MICAL3: variants seen among roughly 807,000 people sequenced by gnomAD.
MICAL3 encodes [F-actin]-monooxygenase MICAL3.
In MICAL3, 62 loss-of-function variants were observed where a neutral mutation model predicts 207.4. That is an observed-to-expected ratio of 0.30 (90% CI 0.24 to 0.37). The LOEUF (loss-of-function observed/expected upper bound fraction) is 0.37. MICAL3 is among the 10% of genes least tolerant of loss of function. MICAL3 has a pLI of 1.00. For synonymous variants in MICAL3, 1,077 were observed against 1,069.3 expected (o/e 1.01, Z -0.14); for missense variants, 2,368 against 2,635.6 (o/e 0.90, Z 2.22).
intron 9 of MICAL3, among the ~76,000 whole-genome samples, chr22:17,895,973 T>C (rs894958104): frequency 5.9e-5 from 9 of 152,168 alleles, no homozygotes; most frequent in African/African-American, 2.2e-4. Flanking sequence ...GTTTGGTGTT[T>C]TCCTATGAAT....
At chr22:17,979,373 C>T (rs61393399) in intron 1 of MICAL3, among the ~76,000 whole-genome samples, 7,609 of 151,994 alleles carry the variant, frequency 0.05, 364 homozygotes, top group African/African-American at 0.12. Context: ...GGCGAAACCC[C>T]GTCTCTACTA....
chr22:17,989,616 T>C (rs1187939804), intron 1 of MICAL3, among the ~76,000 whole-genome samples: 2 of 152,040 alleles, frequency 1.3e-5, no homozygotes, highest in African/African-American at 2.4e-5. Flanking sequence ...AAGACAATCC[T>C]ACCATGGCCT....
chr22:17,814,870 C>T (rs1013043947), intron 27 of MICAL3: 3 of 148,248 alleles, frequency 2.0e-5, no homozygotes, highest in African/African-American at 7.3e-5. Context: ...GCTCGACTGT[C>T]CCCTAGGTCA....
In MICAL3 at chr22:17,832,053, G is replaced by T; in HGVS notation, c.2856C>A (p.Arg952=). The part of the protein sequence containing the change: ...EEGEEEEEEP[R]LPPSDLGGVP... ...CACCACCCAGGTCAGATGGGGGCAG[G>T]CGAGGCTCCTCCTCCTCCTCCTCTC... is the stretch of plus-strand genomic sequence containing the variant. Residue 952 remains arginine (R), a synonymous_variant, in exon 21 of 32, where the codon CGC becomes CGA. Coordinates refer to ENST00000441493, the MANE Select transcript of MICAL3 (RefSeq NM_015241.3). The T allele has an allele frequency of 6.2e-7, 1 of 1,600,470 alleles. No homozygotes were observed.
chr22:18,011,160 T>G (rs1021776665), intron 1 of MICAL3, among the ~76,000 whole-genome samples: 1 of 152,186 alleles, frequency 6.6e-6, no homozygotes, highest in Non-Finnish European at 1.5e-5. Context: ...TCATTGATTT[T>G]CATAATCAAT....
chr22:17,835,455 G>A (rs1456805216), intron 20 of MICAL3, among the ~76,000 whole-genome samples: 2 of 152,226 alleles, frequency 1.3e-5, no homozygotes, highest in African/African-American at 4.8e-5. Context: ...GCAGTCTCTG[G>A]GTTGGCCCAG....
chr22:17,837,687 T>C (rs1286442655), intron 20 of MICAL3, among the ~76,000 whole-genome samples: 1 of 152,208 alleles, frequency 6.6e-6, no homozygotes, highest in East Asian at 1.9e-4. Flanking sequence ...TGATTAGGCC[T>C]GGGCCAAGGG....
Position 17,789,084 on chromosome 22 carries a change from C to G in MICAL3, c.*1648G>C, listed in dbSNP as rs1315954265. ...GTACACAGCCAGGCTGGTGCGGAAC[C>G]GTGAGAAAGGAACAGTTTGGCTATA... is the stretch of plus-strand genomic sequence containing the variant. On this transcript the variant is annotated 3_prime_UTR_variant, in exon 32 of 32. Transcript: ENST00000441493. The G allele has an allele frequency of 6.6e-6, 1 of 152,326 alleles. No individual in the cohort carries two copies. Among genetic ancestry groups the G allele is most frequent in the African/African-American group, 2.4e-5 (1 of 41,478 alleles). 9.4% of individuals were successfully genotyped at this position (152,326 alleles called of 1,614,324 possible). A position where few individuals can be genotyped will look rare whatever the true frequency, so the allele number is the denominator to read the frequency against.
At chr22:17,897,073 C>T (rs1046873047) in intron 7 of MICAL3, 92 bp from the exon 8 acceptor site, 1 of 1,408,660 alleles carries the variant, frequency 7.1e-7, no homozygotes, top group East Asian at 2.3e-5. Context: ...GCTTCTTCTT[C>T]CCCCTAAAGT....
At chr22:17,865,100 T>C in intron 18 of MICAL3, 114 bp from the exon 19 acceptor site, 1 of 625,762 alleles carries the variant, frequency 1.6e-6, no homozygotes, top group Non-Finnish European at 2.1e-6. Flanking sequence ...TTTATTTATT[T>C]ATTTATTTAT....
chr22:17,953,879 C>G (rs1305516244), intron 1 of MICAL3, among the ~76,000 whole-genome samples: 1 of 131,676 alleles, frequency 7.6e-6, no homozygotes, highest in Non-Finnish European at 1.5e-5. Context: ...TGCAGTGAGC[C>G]GAGATCACAC....
At chr22:17,926,367 T>G (rs1318908148) in intron 1 of MICAL3, among the ~76,000 whole-genome samples, 4 of 152,146 alleles carry the variant, frequency 2.6e-5, no homozygotes, top group Non-Finnish European at 5.9e-5. Flanking sequence ...GAACAAAGGA[T>G]TATATAGCTG....
intron 29 of MICAL3, among the ~76,000 whole-genome samples, chr22:17,800,367 G>C (rs2061925265): frequency 6.6e-6 from 1 of 152,176 alleles, no homozygotes; most frequent in South Asian, 2.1e-4. Context: ...GGCTGGGCCG[G>C]CCTGTTCAGG....
intron 1 of MICAL3, among the ~76,000 whole-genome samples, chr22:17,914,651 G>A (rs1411161391): frequency 6.6e-6 from 1 of 152,126 alleles, no homozygotes; most frequent in African/African-American, 2.4e-5. Flanking sequence ...ATTTAGCAAG[G>A]ACACACAATA....
rs1931390266 is a variant in MICAL3 at position 17,902,290 on chromosome 22, C to A, written c.590-311G>T. ...ACACATGCCTGTAATCCCAGCTACT[C>A]TGGAGACCTACGCAGGAGAATTGCT... On this transcript the variant is annotated intron_variant, in intron 4 of 31. Coordinates refer to ENST00000441493, the MANE Select transcript of MICAL3 (RefSeq NM_015241.3). The surrounding 1 kb of genome is among the most constrained non-coding windows in gnomAD (Gnocchi z 4.5). Among the ~76,000 whole-genome samples the A allele has an allele frequency of 6.6e-6, 1 of 152,218 alleles. No homozygotes were observed. The highest frequency in any genetic ancestry group is 1.5e-5 in the Non-Finnish European group (1 of 68,042).
At chr22:17,992,374 C>A (rs931032078) in intron 1 of MICAL3, among the ~76,000 whole-genome samples, 2 of 152,160 alleles carry the variant, frequency 1.3e-5, no homozygotes, top group Non-Finnish European at 2.9e-5. Flanking sequence ...AAAACCAAAT[C>A]AAGAATATTT....
At chr22:17,846,939 T>G (rs1447269801) in intron 19 of MICAL3, among the ~76,000 whole-genome samples, 2 of 151,998 alleles carry the variant, frequency 1.3e-5, no homozygotes, top group Admixed American at 1.3e-4. Flanking sequence ...TTTGGAAGAG[T>G]CACTGCCTGC....
chr22:17,792,551 T>G (rs1421599966), intron 29 of MICAL3, among the ~76,000 whole-genome samples: 3 of 152,180 alleles, frequency 2.0e-5, no homozygotes, highest in Non-Finnish European at 4.4e-5. Context: ...CCTCCCTCAC[T>G]GCTAGCTGCC....
At chr22:17,861,989 G>A in intron 19 of MICAL3, 1 of 985,402 alleles carries the variant, frequency 1.0e-6, no homozygotes, top group Non-Finnish European at 1.2e-6. Flanking sequence ...AGAACATAAA[G>A]GAGAAGAGAG....
Sources: allele counts gnomAD v4.1 joint callset (sites outside exome capture counted in the v4.1 genomes callset), GRCh38; gene constraint gnomAD v4.1.1; non-coding constraint Gnocchi (gnomAD v3.1); transcripts MANE v1.5; gene names NCBI Gene and HGNC (gene_info 2026-07-23, HGNC 2026-07-21).